RPS6KA2: variants seen among roughly 807,000 people sequenced by gnomAD.
RPS6KA2 encodes ribosomal protein S6 kinase A2, also known as ribosomal protein S6 kinase alpha-2.
In RPS6KA2, 42 loss-of-function variants were observed where a neutral mutation model predicts 91.8. The ratio of observed to expected loss-of-function variants is 0.46; its 90% CI spans 0.36 to 0.59. The LOEUF is 0.59. Among genes scored for constraint, RPS6KA2 ranks in the 20% least tolerant of loss-of-function variants. The pLI is 0.00. For missense variants in RPS6KA2, 798 were observed against 978.5 expected, an observed-to-expected ratio of 0.82 and a Z score of 2.46; for synonymous variants, 414 against 393.6, an observed-to-expected ratio of 1.05 and a Z score of -0.61.
intron 19 of RPS6KA2, among the ~76,000 whole-genome samples, chr6:166,416,871 C>T (rs1383553616): frequency 2.6e-5 from 4 of 152,144 alleles, no homozygotes; most frequent in African/African-American, 9.7e-5. Flanking sequence ...ACACCATCAC[C>T]TCCATCATCA....
intron 10 of RPS6KA2, among the ~76,000 whole-genome samples, chr6:166,476,049 G>A (rs563097046): frequency 6.6e-6 from 1 of 152,270 alleles, no homozygotes; most frequent in East Asian, 1.9e-4. Context: ...GTCACTGCAG[G>A]TATAATGAGT....
At chr6:166,845,732 A>T (rs1780588559) in intron 2 of RPS6KA2, among the ~76,000 whole-genome samples, 1 of 152,094 alleles carries the variant, frequency 6.6e-6, no homozygotes. Context: ...GGGGAAGTTC[A>T]TAGCATTAAA....
At chr6:166,602,523 G>T (rs1008544248) in intron 1 of RPS6KA2, among the ~76,000 whole-genome samples, 1 of 152,166 alleles carries the variant, frequency 6.6e-6, no homozygotes, top group Non-Finnish European at 1.5e-5. Flanking sequence ...GAAATACCAC[G>T]CAGAAGCAAA....
chr6:166,524,393 A>T (rs2128489114), intron 3 of RPS6KA2, among the ~76,000 whole-genome samples: 1 of 152,222 alleles, frequency 6.6e-6, no homozygotes, highest in East Asian at 1.9e-4. Flanking sequence ...ACCGAGACGA[A>T]GGAATTCCAC....
intron 2 of RPS6KA2, among the ~76,000 whole-genome samples, chr6:166,705,458 G>A (rs115126695): frequency 6.0e-3 from 911 of 152,248 alleles, no homozygotes; most frequent in Non-Finnish European, 0.01. Flanking sequence ...AAGAAAAGTC[G>A]CTCAACTTGG....
In RPS6KA2 at chr6:166,430,576, C is replaced by T; in HGVS notation, c.1458G>A (p.Met486Ile). The change falls in exon 16 of 21, where the codon ATG (methionine) becomes ATA (isoleucine). Residue 486 changes from methionine to isoleucine, a missense_variant. Transcript: ENST00000265678. ...YDDGKFVYLV[M>I]ELMRGGELLD... Reference sequence around the variant, plus strand: ...GGAGCTCCCCACCACGCATCAGCTCCATTACCAGGTACACAAACTTGCCAT... The same window carrying T: ...GGAGCTCCCCACCACGCATCAGCTCTATTACCAGGTACACAAACTTGCCAT... 1 of 1,613,920 alleles carries T rather than the reference C, an allele frequency of 6.2e-7. No individual in the cohort carries two copies. The highest frequency in any genetic ancestry group is 1.1e-5 in the South Asian group (1 of 91,044).
intron 2 of RPS6KA2, among the ~76,000 whole-genome samples, chr6:166,814,927 A>G (rs1204831585): frequency 1.3e-5 from 2 of 152,198 alleles, no homozygotes; most frequent in Non-Finnish European, 2.9e-5. Context: ...GTGCATATAA[A>G]TGTAATGCAC....
chr6:166,664,807 G>A (rs973987236), intron 2 of RPS6KA2, among the ~76,000 whole-genome samples: 15 of 152,260 alleles, frequency 9.9e-5, no homozygotes, highest in Admixed American at 3.3e-4. Context: ...TGCTAGAAAA[G>A]AAAAGAAAGA....
At position 166,770,583 on chromosome 6, in the gene RPS6KA2, T is replaced by C. The variant is rs536179613; in HGVS notation, c.123+87617A>G. Among the ~76,000 whole-genome samples, 12 of 152,340 alleles carry C rather than the reference T, an allele frequency of 7.9e-5. No individual in the cohort carries two copies. The East Asian group carries it at 1.5e-3, about 20-fold the overall frequency. ...ATTCAGAATCAAACTCAAATCATAA[T>C]GCATGGCAAGATGACATCCTCAGTT... On this transcript the variant is annotated intron_variant, in intron 2 of 21. Coordinates refer to the RPS6KA2 transcript ENST00000503859. This position sits in a 1 kb window ranked among gnomAD's most constrained non-coding sequence, Gnocchi z 5.1.
intron 3 of RPS6KA2, among the ~76,000 whole-genome samples, chr6:166,526,650 C>T (rs1446000656): frequency 6.6e-6 from 1 of 152,198 alleles, no homozygotes; most frequent in African/African-American, 2.4e-5. Context: ...CATCCAGCCA[C>T]ATGGCTCATT....
Position 166,844,812 on chromosome 6 carries a change from G to A in RPS6KA2, c.123+13388C>T, listed in dbSNP as rs1337376478. ...CAAATCCTCTAAATACACCAAAATA[G>A]AAACTTCTTAAAACATAAATCTCAC... On this transcript the variant is annotated intron_variant, in intron 2 of 21. Transcript: ENST00000503859. Among the ~76,000 whole-genome samples the A allele has an allele frequency of 2.0e-5, 3 of 152,052 alleles. No homozygotes were observed. In the East Asian group the frequency reaches 5.8e-4, roughly 29 times the overall value.
In RPS6KA2 at chr6:166,807,058, A is replaced by G. The variant is rs527554066; in HGVS notation, c.123+51142T>C. Among the ~76,000 whole-genome samples, 7 of 152,370 alleles carry G rather than the reference A, an allele frequency of 4.6e-5. No homozygotes were observed. In the South Asian group the frequency reaches 1.5e-3, roughly 32 times the overall value. On this transcript the variant is annotated intron_variant, in intron 2 of 21. Transcript: ENST00000503859. ...GTTTTACTATAAAAATCAACTAAAC[A>G]CAAAAGAAAACAGCAATGCAGAAAA...
At chr6:166,537,474 T>C (rs753804639) in intron 2 of RPS6KA2, among the ~76,000 whole-genome samples, 1 of 152,260 alleles carries the variant, frequency 6.6e-6, no homozygotes, top group Non-Finnish European at 1.5e-5. Context: ...CCATATTAAA[T>C]AGACATTTTT....
At chr6:166,428,734 GCAAATCAAAACCA>G (rs1779015434) in intron 16 of RPS6KA2, among the ~76,000 whole-genome samples, 1 of 152,174 alleles carries the variant, frequency 6.6e-6, no homozygotes, top group Non-Finnish European at 1.5e-5. Context: ...TCAGAGAAAT[GCAAATCAAAACCA>G]CAAATCAAAA....
intron 2 of RPS6KA2, among the ~76,000 whole-genome samples, chr6:166,820,315 C>T (rs1369653564): frequency 2.0e-5 from 3 of 152,146 alleles, no homozygotes; most frequent in Admixed American, 2.0e-4. Context: ...ACTTGAATGC[C>T]CTTTTCTCAT....
intron 10 of RPS6KA2, among the ~76,000 whole-genome samples, chr6:166,473,063 A>G (rs1780829482): frequency 6.6e-6 from 1 of 152,184 alleles, no homozygotes; most frequent in South Asian, 2.1e-4. Flanking sequence ...CTATCTCCAA[A>G]TTGGGGCGTC....
intron 1 of RPS6KA2, among the ~76,000 whole-genome samples, chr6:166,608,407 T>C (rs1786033057): frequency 6.6e-6 from 1 of 152,038 alleles, no homozygotes; most frequent in Non-Finnish European, 1.5e-5. Context: ...CTACAAAAAT[T>C]AAAAATGCTT....
chr6:166,582,582 A>C (rs1785056068), intron 1 of RPS6KA2, among the ~76,000 whole-genome samples: 1 of 152,198 alleles, frequency 6.6e-6, no homozygotes. Flanking sequence ...TATGCAATGA[A>C]TTTTTATCAA....
chr6:166,528,829 A>T (rs1274851356), intron 3 of RPS6KA2, among the ~76,000 whole-genome samples: 1 of 152,146 alleles, frequency 6.6e-6, no homozygotes, highest in Non-Finnish European at 1.5e-5. Flanking sequence ...AATGCTCATC[A>T]TCACTGGCCA....
Sources: allele counts gnomAD v4.1 joint callset (sites outside exome capture counted in the v4.1 genomes callset), GRCh38; gene constraint gnomAD v4.1.1; non-coding constraint Gnocchi (gnomAD v3.1); transcripts MANE v1.5; gene names NCBI Gene and HGNC (gene_info 2026-07-23, HGNC 2026-07-21).